Variants in SLX4IP observed in about 807,000 individuals in gnomAD.
The protein encoded by SLX4IP is protein SLX4IP.
SLX4IP carries 34 observed loss-of-function variants against 32.9 expected under a neutral mutation model. The ratio of observed to expected loss-of-function variants is 1.03; its 90% confidence interval spans 0.79 to 1.38. SLX4IP has a LOEUF of 1.38. SLX4IP is among the 40% of genes most tolerant of loss of function. SLX4IP has a pLI of 0.00. For synonymous variants in SLX4IP, 172 were observed against 171.7 expected (o/e 1.00, Z -0.01); for missense variants, 444 against 479.0 (o/e 0.93, Z 0.68).
chr20:10,476,498 C>T (rs985359598), intron 2 of SLX4IP, among the ~76,000 whole-genome samples: 1 of 152,138 alleles, frequency 6.6e-6, no homozygotes, highest in African/African-American at 2.4e-5. Context: ...AGTCTACCAA[C>T]AGCTGATAAA....
At chr20:10,478,859 G>C (rs1395276719) in intron 2 of SLX4IP, among the ~76,000 whole-genome samples, 1 of 152,254 alleles carries the variant, frequency 6.6e-6, no homozygotes, top group South Asian at 2.1e-4. Context: ...CCACTCCCAA[G>C]GGAGAGATTC....
intron 2 of SLX4IP, among the ~76,000 whole-genome samples, chr20:10,518,404 T>TTTCCTTC (rs2065869420): frequency 1.1e-5 from 1 of 92,480 alleles, no homozygotes; most frequent in Non-Finnish European, 2.2e-5. Context: ...TCTTTCTTTC[T>TTTCCTTC]TTCCTTCCTT....
chr20:10,444,719 C>CCTCA (rs1458353661), intron 1 of SLX4IP, among the ~76,000 whole-genome samples: 1 of 152,108 alleles, frequency 6.6e-6, no homozygotes, highest in African/African-American at 2.4e-5. Flanking sequence ...CTTGCTGTAC[C>CCTCA]CTCACATAAG....
At chr20:10,560,418 A>G (rs1360602104) in intron 3 of SLX4IP, among the ~76,000 whole-genome samples, 1 of 152,212 alleles carries the variant, frequency 6.6e-6, no homozygotes, top group Non-Finnish European at 1.5e-5. Context: ...GTTTACACTG[A>G]AATATTTTTA....
chr20:10,622,704 G>C lies in SLX4IP; in HGVS notation c.552G>C (p.Gln184His). 1.9e-6 allele frequency: 3 copies of C among 1,613,590 alleles called. No homozygotes were observed. Among genetic ancestry groups the C allele is most frequent in the Non-Finnish European group, 2.5e-6 (3 of 1,179,978 alleles). Residue 184 changes from glutamine to histidine, a missense_variant, in exon 8 of 8, where the codon CAG becomes CAC. Transcript: ENST00000334534. ...ETKSSVTSKS[Q>H]TRRDTVETSS... ...AAAGCAGTGTCACGAGCAAATCGCA[G>C]ACCAGAAGAGACACTGTGGAAACAT...
chr20:10,481,084 T>A (rs1306638244), intron 2 of SLX4IP, among the ~76,000 whole-genome samples: 1 of 186 alleles, frequency 5.4e-3, no homozygotes, highest in African/African-American at 0.028. Flanking sequence ...TCTTACAACT[T>A]TTTTTTTTTT....
intron 1 of SLX4IP, among the ~76,000 whole-genome samples, chr20:10,443,865 C>G (rs2065178620): frequency 6.6e-6 from 1 of 152,202 alleles, no homozygotes. Flanking sequence ...TCTTCTCTCT[C>G]TTCCTCCTGC....
At chr20:10,509,995 C>T (rs1044829037) in intron 2 of SLX4IP, among the ~76,000 whole-genome samples, 30 of 152,192 alleles carry the variant, frequency 2.0e-4, no homozygotes, top group Admixed American at 2.0e-3. Context: ...AATTTTGACA[C>T]AGCAATATAA....
intron 1 of SLX4IP, among the ~76,000 whole-genome samples, chr20:10,444,745 A>C (rs544473333): frequency 6.6e-6 from 1 of 152,128 alleles, no homozygotes; most frequent in African/African-American, 2.4e-5. Context: ...GAGGCTGGGG[A>C]GCTTGTTTGA....
intron 4 of SLX4IP, among the ~76,000 whole-genome samples, chr20:10,571,568 T>C (rs2066466337): frequency 6.6e-6 from 1 of 152,152 alleles, no homozygotes; most frequent in South Asian, 2.1e-4. Context: ...GTGTAGCTTC[T>C]CTCTCAAGAG....
chr20:10,522,743 T>C lies in SLX4IP; in HGVS notation c.28-33488T>C, dbSNP rs114940100. Among the ~76,000 whole-genome samples, 1,296 of 152,266 alleles carry C rather than the reference T, an allele frequency of 8.5e-3. 25 individuals carry two copies. The highest frequency in any genetic ancestry group is 0.03 in the African/African-American group (1,227 of 41,538). On this transcript the variant is annotated intron_variant, in intron 2 of 7. Coordinates refer to ENST00000334534, the MANE Select transcript of SLX4IP (RefSeq NM_001009608.3). ...GTTTCTCACAGAGAACCCTCCTTGT[T>C]CTTCCCCGCCATTGAATCTGTTCAT...
chr20:10,560,584 C>A, intron 3 of SLX4IP, 116 bp from the exon 4 acceptor site: 3 of 801,644 alleles, frequency 3.7e-6, no homozygotes, highest in East Asian at 3.2e-5. Flanking sequence ...TTTCAACATT[C>A]ACAGCTAAAT....
chr20:10,611,373 G>A (rs1344598308), intron 6 of SLX4IP, among the ~76,000 whole-genome samples: 3 of 152,176 alleles, frequency 2.0e-5, no homozygotes, highest in Non-Finnish European at 2.9e-5. Context: ...TCATGCCCCT[G>A]AAAAGTCCAG....
At chr20:10,598,161 T>C (rs1187492180) in intron 4 of SLX4IP, among the ~76,000 whole-genome samples, 2 of 152,220 alleles carry the variant, frequency 1.3e-5, no homozygotes, top group Non-Finnish European at 2.9e-5. Flanking sequence ...CTTCAGGGAC[T>C]AGGGACTATG....
intron 1 of SLX4IP, among the ~76,000 whole-genome samples, chr20:10,437,211 C>G (rs922438057): frequency 2.0e-5 from 3 of 152,048 alleles, no homozygotes; most frequent in Non-Finnish European, 2.9e-5. Flanking sequence ...CTGTAACCTC[C>G]AACTCTTGGG....
intron 6 of SLX4IP, chr20:10,613,130 T>G: frequency 2.5e-6 from 1 of 405,152 alleles, no homozygotes; most frequent in Non-Finnish European, 4.5e-6. Flanking sequence ...ACATCCTAGA[T>G]AAGAGTGCTG....
intron 2 of SLX4IP, among the ~76,000 whole-genome samples, chr20:10,553,769 C>T (rs1480351946): frequency 6.6e-6 from 1 of 152,212 alleles, no homozygotes; most frequent in African/African-American, 2.4e-5. Context: ...CTAATATTAT[C>T]TTCAGTTCTC....
At chr20:10,617,652 C>CTTTTTTTTTTT (rs549525000) in intron 6 of SLX4IP, among the ~76,000 whole-genome samples, 1 of 112,748 alleles carries the variant, frequency 8.9e-6, no homozygotes, top group Non-Finnish European at 1.8e-5. Context: ...TTCTTTCTTT[C>CTTTTTTTTTTT]TTTTTTTTTT....
rs1247545739 is a variant in SLX4IP at position 10,436,377 on chromosome 20, G to C, written c.-30+924G>C. ...CTTTCTTTCTTTCTTTTTTTTTTTA[G>C]ATGGAGTCTCGCTCTGTTGCCCAGG... On this transcript the variant is annotated intron_variant, in intron 1 of 7. Transcript: ENST00000334534. Among the ~76,000 whole-genome samples, 7 of 150,318 alleles carry C rather than the reference G, an allele frequency of 4.7e-5. No individual in the cohort carries two copies. The South Asian group carries it at 1.3e-3, about 27-fold the overall frequency.
Sources: allele counts gnomAD v4.1 joint callset (sites outside exome capture counted in the v4.1 genomes callset), GRCh38; gene constraint gnomAD v4.1.1; transcripts MANE v1.5; gene names NCBI Gene and HGNC (gene_info 2026-07-23, HGNC 2026-07-21).